Variants in OR1J2 observed in about 807,000 individuals in gnomAD.
OR1J2 encodes olfactory receptor 1J2.
For synonymous variants in OR1J2, 142 were observed against 99.7 expected (o/e 1.42, Z -2.52); for missense variants, 304 against 246.1 (o/e 1.24, Z -1.57).
the OR1J2 span, among the ~76,000 whole-genome samples, chr9:122,570,847 T>G: frequency 6.6e-6 from 1 of 152,164 alleles, no homozygotes; most frequent in Non-Finnish European, 1.5e-5. Flanking sequence ...TGTATTAGTA[T>G]TAGGTACATG....
At chr9:122,505,807 GT>G (rs370875369), upstream of OR1J2, among the ~76,000 whole-genome samples, 223 of 146,116 alleles carry the variant, frequency 1.5e-3, no homozygotes, top group African/African-American at 4.2e-3. Flanking sequence ...GTGTCAACTT[GT>G]TTTTTTTTTC....
the OR1J2 span, among the ~76,000 whole-genome samples, chr9:122,496,055 A>G: frequency 6.6e-5 from 10 of 152,198 alleles, no homozygotes; most frequent in East Asian, 1.9e-4. Flanking sequence ...AAGTCTTGCA[A>G]CGTGGGTACC....
the OR1J2 span, among the ~76,000 whole-genome samples, chr9:122,447,853 G>A: frequency 5.1e-4 from 77 of 152,054 alleles, no homozygotes; most frequent in Non-Finnish European, 7.8e-4. Flanking sequence ...AAAAATAGTC[G>A]AGGCTGAGTG....
chr9:122,526,833 G>C, the OR1J2 span: 11 of 1,614,118 alleles, frequency 6.8e-6, no homozygotes, highest in Non-Finnish European at 9.3e-6. Flanking sequence ...GTGAGTCAGG[G>C]CAACGATATT....
At chr9:122,478,656 C>T in the OR1J2 span, among the ~76,000 whole-genome samples, 1 of 152,102 alleles carries the variant, frequency 6.6e-6, no homozygotes, top group African/African-American at 2.4e-5. Context: ...ATGTACTATT[C>T]TAGAAGGTGG....
At chr9:122,512,118 C>T (rs895048109), downstream of OR1J2, among the ~76,000 whole-genome samples, 2 of 152,192 alleles carry the variant, frequency 1.3e-5, no homozygotes, top group African/African-American at 4.8e-5. Flanking sequence ...TATTATTTTA[C>T]TATTCTCTCT....
chr9:122,510,894 C>G lies in OR1J2; in HGVS notation c.93C>G (p.Phe31Leu). ...AGCAGGCTGTGTTCTTCACCCTGTT[C>G]CTGGGCATGTACCTGACCACGGTGC... is the stretch of plus-strand genomic sequence containing the variant. ...PEQQAVFFTL[F>L]LGMYLTTVLG... Residue 31 changes from phenylalanine (F) to leucine (L), a missense_variant, in exon 1 of 1, where the codon TTC becomes TTG. Coordinates refer to ENST00000335302, the MANE Select transcript of OR1J2 (RefSeq NM_054107.1). 6.2e-7 allele frequency: 1 copy of G among 1,611,814 alleles called. No homozygotes were observed. Among genetic ancestry groups the G allele is most frequent in the Non-Finnish European group, 8.5e-7 (1 of 1,177,896 alleles).
the OR1J2 span, among the ~76,000 whole-genome samples, chr9:122,457,195 A>G: frequency 6.6e-6 from 1 of 152,104 alleles, no homozygotes; most frequent in Non-Finnish European, 1.5e-5. Flanking sequence ...CAGGGAGGGA[A>G]TAACACACAC....
At chr9:122,477,980 C>T in the OR1J2 span, 1 of 1,254,204 alleles carries the variant, frequency 8.0e-7, no homozygotes, top group Non-Finnish European at 1.1e-6. Context: ...AATGGTATGT[C>T]TTGGAATAAG....
the OR1J2 span, among the ~76,000 whole-genome samples, chr9:122,451,697 C>G: frequency 6.6e-6 from 1 of 152,130 alleles, no homozygotes; most frequent in Non-Finnish European, 1.5e-5. Flanking sequence ...TTACCTGTAG[C>G]AGAAAGATTA....
At chr9:122,493,094 G>A in the OR1J2 span, among the ~76,000 whole-genome samples, 1 of 152,028 alleles carries the variant, frequency 6.6e-6, no homozygotes, top group African/African-American at 2.4e-5. Context: ...TATGCTCTTG[G>A]TTTTGGTTCA....
chr9:122,546,664 T>G, the OR1J2 span, among the ~76,000 whole-genome samples: 3 of 152,318 alleles, frequency 2.0e-5, no homozygotes, highest in East Asian at 3.9e-4. Flanking sequence ...GCAGGTAAAT[T>G]AGAGATTTAA....
chr9:122,509,217 A>G (rs1243490427), upstream of OR1J2, among the ~76,000 whole-genome samples: 2 of 152,174 alleles, frequency 1.3e-5, no homozygotes, highest in African/African-American at 4.8e-5. Context: ...TAGGATGTGG[A>G]CATCTTTGGG....
chr9:122,499,419 T>C, the OR1J2 span, among the ~76,000 whole-genome samples: 1 of 152,110 alleles, frequency 6.6e-6, no homozygotes, highest in Non-Finnish European at 1.5e-5. Context: ...GGATGTGGCA[T>C]CTCAGGCCGC....
the OR1J2 span, among the ~76,000 whole-genome samples, chr9:122,468,848 A>G: frequency 1.3e-5 from 2 of 152,170 alleles, no homozygotes; most frequent in Non-Finnish European, 2.9e-5. Context: ...ACTATTCATC[A>G]TATTATTCAA....
chr9:122,477,766 T>G, the OR1J2 span: 1 of 1,613,794 alleles, frequency 6.2e-7, no homozygotes, highest in African/African-American at 1.3e-5. Flanking sequence ...GGTGTGAAGG[T>G]GAGAGTCTAG....
chr9:122,578,811 T>A, the OR1J2 span, among the ~76,000 whole-genome samples: 4 of 151,770 alleles, frequency 2.6e-5, no homozygotes, highest in Non-Finnish European at 1.5e-5. Context: ...CGGGAAAGGG[T>A]AGGAGAAGGT....
the OR1J2 span, among the ~76,000 whole-genome samples, chr9:122,472,105 C>CT: frequency 6.6e-6 from 1 of 152,178 alleles, no homozygotes; most frequent in South Asian, 2.1e-4. Context: ...ACATTTTAAC[C>CT]TCCCTAATGG....
At chr9:122,485,674 A>C in the OR1J2 span, among the ~76,000 whole-genome samples, 27 of 152,364 alleles carry the variant, frequency 1.8e-4, no homozygotes, top group African/African-American at 6.5e-4. Context: ...CCAACACTCT[A>C]ACTCAGATAG....
Sources: gnomAD v4.1 joint callset for allele counts (sites outside exome capture counted in the v4.1 genomes callset) on GRCh38, gnomAD v4.1.1 for gene constraint, MANE v1.5 for transcripts, NCBI Gene and HGNC (gene_info 2026-07-23, HGNC 2026-07-21) for gene names.